Variants in XPO4 observed in about 807,000 individuals in gnomAD.
The protein encoded by XPO4 is exportin-4.
XPO4 carries 39 observed loss-of-function variants against 143.0 expected under a neutral mutation model. The observed-to-expected ratio is 0.27, with a 90% CI of 0.21 to 0.36. The LOEUF (loss-of-function observed/expected upper bound fraction) is 0.36, where lower values mean the gene tolerates loss of function less well. Among genes scored for constraint, XPO4 ranks in the 10% least tolerant of loss-of-function variants. The probability of loss-of-function intolerance (pLI) is 1.00; values close to 1 mark genes in which losing one functional copy is unlikely to be tolerated. For missense variants in XPO4, 907 were observed against 1,348.0 expected (o/e 0.67, Z 5.12); for synonymous variants, 439 against 474.0 (o/e 0.93, Z 0.96).
At chr13:20,855,378 C>T (rs1032330496) in intron 4 of XPO4, among the ~76,000 whole-genome samples, 12 of 151,544 alleles carry the variant, frequency 7.9e-5, no homozygotes, top group Admixed American at 5.9e-4. Context: ...TTGCTTGAAC[C>T]CGGAAGGCAG....
At position 20,902,286 on chromosome 13, in the gene XPO4, A is replaced by G. The variant is rs543627963; in HGVS notation, c.69+384T>C. On this transcript the variant is annotated intron_variant, in intron 1 of 22. Transcript: ENST00000255305. The stretch of plus-strand genomic sequence containing the variant: ...AATCCCTCCCGACACCAACTCCCCA[A>G]GAGCGCTCACACAGCCCTACAAATT... 101 of 985,374 alleles carry G rather than the reference A, an allele frequency of 1.0e-4. No homozygotes were observed. In the African/African-American group the frequency reaches 1.6e-3, roughly 16 times the overall value. The allele number at this position is 985,374 out of a possible 1,614,324, so 61.0% of individuals were successfully genotyped here.
intron 19 of XPO4, among the ~76,000 whole-genome samples, chr13:20,789,090 T>C (rs1208259434): frequency 2.6e-5 from 4 of 152,238 alleles, no homozygotes; most frequent in Non-Finnish European, 4.4e-5. Context: ...TGTACTATCC[T>C]AGAGAACTGA....
At chr13:20,808,992 G>A (rs1360770255) in intron 11 of XPO4, 91 bp downstream of exon 11, 3 of 1,379,138 alleles carry the variant, frequency 2.2e-6, no homozygotes, top group Non-Finnish European at 3.0e-6. Flanking sequence ...CGGGGTGGGG[G>A]TGTTTAAAGT....
intron 4 of XPO4, chr13:20,853,088 T>G: frequency 7.2e-6 from 7 of 976,046 alleles, no homozygotes; most frequent in Non-Finnish European, 8.5e-6. Flanking sequence ...TCCCAGCATT[T>G]TGGAAGGCTG....
chr13:20,866,717 G>A (rs9509407), intron 2 of XPO4, among the ~76,000 whole-genome samples: 2 of 151,924 alleles, frequency 1.3e-5, no homozygotes, highest in Non-Finnish European at 2.9e-5. Flanking sequence ...GCCAGAACTA[G>A]CAATACTACT....
In XPO4 at chr13:20,851,711, CAAAAAAA is replaced by C. The variant is rs11340357; in HGVS notation, c.456+3909_456+3915del. On this transcript the variant is annotated intron_variant, in intron 4 of 22. Transcript: ENST00000255305. The stretch of plus-strand genomic sequence containing the variant: ...GGCAACAGAGCAAGACCCGGTCTCA[CAAAAAAA>C]AAAAAAAAAAAAGAAAGAAAGAAAG... The C allele has an allele frequency of 2.5e-3, 1,929 of 773,692 alleles. 1 individual carries two copies. Among genetic ancestry groups the C allele is most frequent in the Non-Finnish European group, 2.8e-3 (1,838 of 663,198 alleles). The allele number at this position is 773,692 out of a possible 1,614,324, so 47.9% of individuals were successfully genotyped here.
intron 18 of XPO4, among the ~76,000 whole-genome samples, chr13:20,794,137 C>T (rs542452146): frequency 5.3e-5 from 8 of 152,224 alleles, no homozygotes; most frequent in African/African-American, 1.4e-4. Context: ...CTCTTATTAA[C>T]GCTGCCCAGC....
At chr13:20,832,273 G>A (rs2059862229) in intron 6 of XPO4, among the ~76,000 whole-genome samples, 1 of 152,064 alleles carries the variant, frequency 6.6e-6, no homozygotes, top group South Asian at 2.1e-4. Flanking sequence ...CATTAAATAC[G>A]TACATCTTAA....
chr13:20,878,949 C>T (rs1363127973), intron 1 of XPO4, among the ~76,000 whole-genome samples: 1 of 152,158 alleles, frequency 6.6e-6, no homozygotes, highest in Non-Finnish European at 1.5e-5. Flanking sequence ...CCTTAAACAA[C>T]TCTTCTGCTA....
chr13:20,801,059 C>T, intron 13 of XPO4, 69 bp from the exon 14 acceptor site: 1 of 1,557,348 alleles, frequency 6.4e-7, no homozygotes, highest in Non-Finnish European at 8.6e-7. Context: ...TATTTTTTTC[C>T]TTAAAAGTCC....
chr13:20,882,041 T>TAGAGGTTGC (rs1242650245), intron 1 of XPO4, among the ~76,000 whole-genome samples: 1 of 144,500 alleles, frequency 6.9e-6, no homozygotes, highest in African/African-American at 2.6e-5. Context: ...ACCTGGAAGG[T>TAGAGGTTGC]AGAGGTTGCA....
Position 20,783,709 on chromosome 13 carries a change from A to G in XPO4, c.*13T>C, listed in dbSNP as rs777537358. On this transcript the variant is annotated 3_prime_UTR_variant, in exon 23 of 23. Transcript: ENST00000255305. ...TGCAGAAAGGATCTAAATTAAGCATAAAGTTCTGTTGTTTATTTTACACAA... is the reference window on the plus strand; with the variant it reads ...TGCAGAAAGGATCTAAATTAAGCATGAAGTTCTGTTGTTTATTTTACACAA... 8.7e-6 allele frequency: 14 copies of G among 1,613,302 alleles called. No individual in the cohort carries two copies. The South Asian group carries it at 1.3e-4, about 15-fold the overall frequency.
chr13:20,800,583 A>G (rs952353364), intron 14 of XPO4, among the ~76,000 whole-genome samples: 6 of 152,228 alleles, frequency 3.9e-5, no homozygotes, highest in African/African-American at 1.4e-4. Flanking sequence ...ACCAAATACA[A>G]AAAAGCATAA....
chr13:20,843,175 G>C, intron 5 of XPO4, 127 bp from the exon 6 acceptor site: 1 of 973,982 alleles, frequency 1.0e-6, no homozygotes, highest in Non-Finnish European at 1.5e-6. Context: ...TTAAGAACGT[G>C]TTCCATTTTT....
In XPO4 at chr13:20,868,793, T is replaced by C. The variant is rs2060266127; in HGVS notation, c.70-92A>G. 16 of 1,232,216 alleles carry C rather than the reference T, an allele frequency of 1.3e-5. No individual in the cohort carries two copies. In the East Asian group the frequency reaches 3.7e-4, roughly 28 times the overall value. 76.3% of individuals were successfully genotyped at this position (1,232,216 alleles called of 1,614,324 possible). On this transcript the variant is annotated intron_variant, in intron 1 of 22. Transcript: ENST00000255305. Reference sequence around the variant, plus strand: ...TTACCCACAAGAACAGAAAATGCCTTCACTTTTGGGGGGCAAGAGGAACAA... The same window carrying C: ...TTACCCACAAGAACAGAAAATGCCTCCACTTTTGGGGGGCAAGAGGAACAA...
chr13:20,876,571 A>G (rs909534859), intron 1 of XPO4, among the ~76,000 whole-genome samples: 2 of 152,216 alleles, frequency 1.3e-5, no homozygotes, highest in Admixed American at 1.3e-4. Flanking sequence ...ATGAAAAGCA[A>G]AACTTTAATA....
intron 4 of XPO4, among the ~76,000 whole-genome samples, chr13:20,845,031 G>C (rs1035484157): frequency 6.6e-6 from 1 of 152,204 alleles, no homozygotes; most frequent in African/African-American, 2.4e-5. Flanking sequence ...AAATCAGCTA[G>C]GCATGATGGC....
chr13:20,862,152 C>G (rs886965597), intron 3 of XPO4, among the ~76,000 whole-genome samples: 4 of 152,084 alleles, frequency 2.6e-5, no homozygotes, highest in African/African-American at 9.7e-5. Context: ...TTAGCTTCTT[C>G]CCTCTCCCCT....
At chr13:20,858,294 G>C (rs2138109212) in intron 3 of XPO4, among the ~76,000 whole-genome samples, 1 of 152,238 alleles carries the variant, frequency 6.6e-6, no homozygotes, top group African/African-American at 2.4e-5. Flanking sequence ...CTCAGAATAT[G>C]GAATCAGAAT....
Sources: allele counts gnomAD v4.1 joint callset (sites outside exome capture counted in the v4.1 genomes callset), GRCh38; gene constraint gnomAD v4.1.1; transcripts MANE v1.5; gene names NCBI Gene and HGNC (gene_info 2026-07-23, HGNC 2026-07-21).